The following SIDT1 variants were observed in gnomAD, a reference collection of about 807,000 sequenced individuals.
SIDT1 encodes the protein SID1 transmembrane family member 1, also known as SID1 transmembrane family, member 1.
A neutral mutation model predicts 107.5 loss-of-function variants in SIDT1; 101 were observed. The ratio of observed to expected loss-of-function variants is 0.94; its 90% confidence interval spans 0.80 to 1.11. The LOEUF (loss-of-function observed/expected upper bound fraction) is 1.11, where lower values mean the gene tolerates loss of function less well. Among genes scored for constraint, SIDT1 ranks in the 50% least tolerant of loss-of-function variants. The pLI, the probability that SIDT1 is intolerant of heterozygous loss-of-function variation, is 0.00. For synonymous variants in SIDT1, 395 were observed against 398.2 expected (o/e 0.99, Z 0.10); for missense variants, 1,076 against 1,058.2 (o/e 1.02, Z -0.23).
chr3:113,591,642 C>T (rs983869469), intron 9 of SIDT1, among the ~76,000 whole-genome samples: 28 of 152,292 alleles, frequency 1.8e-4, no homozygotes, highest in African/African-American at 6.7e-4. Context: ...TTGCAGTGAG[C>T]CAAGATCGCA....
At chr3:113,612,223 C>A (rs1945807551) in intron 19 of SIDT1, 29 bp downstream of exon 19, 2 of 1,454,550 alleles carry the variant, frequency 1.4e-6, no homozygotes, top group South Asian at 1.1e-5. Flanking sequence ...CTATACTAAT[C>A]ACACGAATCA....
intron 14 of SIDT1, 118 bp from the exon 15 acceptor site, chr3:113,606,923 T>C: frequency 1.4e-6 from 1 of 699,284 alleles, no homozygotes; most frequent in Non-Finnish European, 2.6e-6. Context: ...GGAGCACTGG[T>C]TACATTGTAA....
intron 21 of SIDT1, among the ~76,000 whole-genome samples, chr3:113,622,925 C>G (rs748075956): frequency 2.6e-5 from 4 of 152,032 alleles, no homozygotes; most frequent in Non-Finnish European, 5.9e-5. Context: ...CCATGGCTCA[C>G]GGCTGTAATC....
In SIDT1 at chr3:113,597,632, G is replaced by A. The variant is rs558998414; in HGVS notation, c.1046-3956G>A. On this transcript the variant is annotated intron_variant, in intron 10 of 24. Coordinates refer to ENST00000264852, the MANE Select transcript of SIDT1 (RefSeq NM_017699.3). ...TATAAATATGAAGTCCCTGAAAGAC[G>A]CAAACATGCTCAAAATGAAATGAAA... 5.9e-5 allele frequency among the ~76,000 whole-genome samples: 9 copies of A among 151,904 alleles called. No homozygotes were observed. In the South Asian group the frequency reaches 8.3e-4, roughly 14 times the overall value.
intron 21 of SIDT1, chr3:113,619,943 GA>G: frequency 2.1e-6 from 1 of 478,282 alleles, no homozygotes; most frequent in Non-Finnish European, 3.8e-6. Flanking sequence ...TGTTCAACAA[GA>G]CAAACATCAA....
At chr3:113,629,947 G>A (rs758013639), downstream of SIDT1, among the ~76,000 whole-genome samples, 8 of 152,166 alleles carry the variant, frequency 5.3e-5, no homozygotes, top group Non-Finnish European at 8.8e-5. Context: ...TTTCCACAGC[G>A]CCAGTCTCAC....
intron 6 of SIDT1, among the ~76,000 whole-genome samples, chr3:113,582,035 G>T (rs552267041): frequency 2.0e-5 from 3 of 152,142 alleles, no homozygotes; most frequent in African/African-American, 7.2e-5. Context: ...TGCCAATTTA[G>T]GGTGAAGTTT....
At chr3:113,547,894 A>C (rs1039923435) in intron 1 of SIDT1, among the ~76,000 whole-genome samples, 1 of 152,150 alleles carries the variant, frequency 6.6e-6, no homozygotes, top group Non-Finnish European at 1.5e-5. Flanking sequence ...ATTAATTTAA[A>C]GGTGAGGATC....
At position 113,580,711 on chromosome 3, in the gene SIDT1, T is replaced by A. The variant is rs1943260286; in HGVS notation, c.663+2T>A. On this transcript the variant is annotated splice_donor_variant, in intron 5 of 24. Coordinates refer to ENST00000264852, the MANE Select transcript of SIDT1 (RefSeq NM_017699.3). LOFTEE classifies it high-confidence loss of function. ...GTTGTCTCAGTCCAGAATATCATGGTGAGTGCTGATAACTTGCCAACCTTC... is the reference window on the plus strand; with the variant it reads ...GTTGTCTCAGTCCAGAATATCATGGAGAGTGCTGATAACTTGCCAACCTTC... The A allele has an allele frequency of 1.3e-6, 2 of 1,586,196 alleles. No individual in the cohort carries two copies. The highest frequency in any genetic ancestry group is 1.7e-6 in the Non-Finnish European group (2 of 1,154,780).
intron 1 of SIDT1, among the ~76,000 whole-genome samples, chr3:113,557,540 T>C (rs1405050785): frequency 2.6e-5 from 4 of 151,918 alleles, no homozygotes; most frequent in Non-Finnish European, 4.4e-5. Flanking sequence ...GGGGGCACCA[T>C]GTAACAACAG....
chr3:113,589,848 A>C (rs1944016415), intron 9 of SIDT1: 1 of 152,714 alleles, frequency 6.5e-6, no homozygotes, highest in South Asian at 2.1e-4. Flanking sequence ...TTTCTCCTTA[A>C]TGATATGCGT....
chr3:113,535,164 C>A (rs115188866), intron 1 of SIDT1, among the ~76,000 whole-genome samples: 87 of 152,284 alleles, frequency 5.7e-4, no homozygotes, highest in African/African-American at 2.1e-3. Flanking sequence ...GTCCCAGCTA[C>A]TTAGGAGGCG....
chr3:113,625,608 A>T (rs371743156), intron 23 of SIDT1, among the ~76,000 whole-genome samples: 2 of 152,144 alleles, frequency 1.3e-5, no homozygotes, highest in South Asian at 2.1e-4. Context: ...GGGTAAGATG[A>T]TATCTCATTG....
chr3:113,624,666 T>C (rs542913090), intron 23 of SIDT1, among the ~76,000 whole-genome samples: 6 of 152,198 alleles, frequency 3.9e-5, no homozygotes, highest in Non-Finnish European at 8.8e-5. Context: ...ATGTATATTC[T>C]TTGGTTTTTC....
Position 113,533,193 on chromosome 3 carries a change from C to T in SIDT1, c.172C>T (p.Leu58Phe). Reference sequence around the variant, plus strand: ...TCATGTCTACAGCGGGGTGGTGAACCTCAGCACCGAGAACATCTACTCTTT... The same window carrying T: ...TCATGTCTACAGCGGGGTGGTGAACTTCAGCACCGAGAACATCTACTCTTT... ...FDHVYSGVVN[L>F]STENIYSFNY... Residue 58 changes from leucine (L) to phenylalanine (F), a missense_variant, in exon 1 of 25, where the codon CTC becomes TTC. Coordinates refer to ENST00000264852, the MANE Select transcript of SIDT1 (RefSeq NM_017699.3). The T allele has an allele frequency of 6.4e-7, 1 of 1,564,346 alleles. No homozygotes were observed. The highest frequency in any genetic ancestry group is 1.7e-4 in the Middle Eastern group (1 of 5,924).
rs189669367 is a variant in SIDT1, at chr3:113,592,058, T to G, written c.1002-947T>G. On this transcript the variant is annotated intron_variant, in intron 9 of 24. Coordinates refer to ENST00000264852, the MANE Select transcript of SIDT1 (RefSeq NM_017699.3). ...TAGACACAAAAGTTCGCATGTAATA[T>G]AATTCATTTTTAATGAAATGTCTAA... Among the ~76,000 whole-genome samples, 614 of 152,312 alleles carry G rather than the reference T, an allele frequency of 4.0e-3. 5 individuals are homozygous for G. Among genetic ancestry groups the G allele is most frequent in the Middle Eastern group, 0.01 (3 of 294 alleles).
chr3:113,575,837 T>G (rs529735074), intron 3 of SIDT1, among the ~76,000 whole-genome samples: 4 of 152,162 alleles, frequency 2.6e-5, no homozygotes, highest in Non-Finnish European at 5.9e-5. Flanking sequence ...AAAAAAATCT[T>G]CAGAGAGCCC....
At chr3:113,543,496 G>T (rs1432323968) in intron 1 of SIDT1, among the ~76,000 whole-genome samples, 2 of 152,130 alleles carry the variant, frequency 1.3e-5, no homozygotes, top group African/African-American at 4.8e-5. Context: ...TACTATGGAG[G>T]TGCTGAAGCT....
intron 23 of SIDT1, chr3:113,625,894 T>TGA (rs1260731276): frequency 1.1e-5 from 6 of 537,506 alleles, no homozygotes; most frequent in Non-Finnish European, 1.6e-5. Flanking sequence ...CTTCGTAGCT[T>TGA]GATGTAATCT....
Sources: gnomAD v4.1 joint callset for allele counts (sites outside exome capture counted in the v4.1 genomes callset) on GRCh38, gnomAD v4.1.1 for gene constraint, MANE v1.5 for transcripts, NCBI Gene and HGNC (gene_info 2026-07-23, HGNC 2026-07-21) for gene names.